ABCC10: variants seen among roughly 807,000 people sequenced by gnomAD.
The protein encoded by ABCC10 is ATP-binding cassette sub-family C member 10.
ABCC10 carries 110 observed loss-of-function variants against 143.2 expected under a neutral mutation model. The observed-to-expected ratio is 0.77, with a 90% CI of 0.66 to 0.90. The LOEUF is 0.90. Among genes scored for constraint, ABCC10 ranks in the 40% least tolerant of loss-of-function variants. The pLI, the probability that ABCC10 is intolerant of heterozygous loss-of-function variation, is 0.00. For missense variants in ABCC10, 1,700 were observed against 1,900.5 expected (o/e 0.89, Z 1.96); for synonymous variants, 805 against 846.7 (o/e 0.95, Z 0.85).
At position 43,447,255 on chromosome 6, in the gene ABCC10, G is replaced by A; in HGVS notation, c.3552G>A (p.Val1184=). The stretch of plus-strand genomic sequence containing the variant: ...GGTACTTCTCTCCCCCAGGGCTGGT[G>A]GGCTTGTCGCTGTCTTATGCCCTGT... The part of the protein sequence containing the change: ...HQQGLANPGL[V]GLSLSYALSL... The change falls in exon 17 of 22, where the codon GTG becomes GTA. Residue 1184 remains valine, a synonymous_variant. Transcript: ENST00000372530. 6.2e-7 allele frequency: 1 copy of A among 1,613,066 alleles called. No homozygotes were observed. Among genetic ancestry groups the A allele is most frequent in the Non-Finnish European group, 8.5e-7 (1 of 1,179,756 alleles).
chr6:43,447,792 C>T lies in ABCC10; in HGVS notation c.3814C>T (p.Pro1272Ser). The T allele has an allele frequency of 6.2e-7, 1 of 1,613,644 alleles. No individual in the cohort carries two copies. The highest frequency in any genetic ancestry group is 8.5e-7 in the Non-Finnish European group (1 of 1,180,008). The change falls in exon 18 of 22, where the codon CCT (proline) becomes TCT (serine). Residue 1272 changes from proline to serine, a missense_variant. Pro to Ser is a moderately conservative substitution (Grantham distance 74). Transcript: ENST00000372530. ...ALDGVTFCVQPGEKLGIVGRT... is the reference protein window; with the variant it reads ...ALDGVTFCVQSGEKLGIVGRT... ...GGATGGAGTGACCTTCTGCGTGCAG[C>T]CTGGAGAGAAGTTGGGCATCGTGGG...
intron 2 of ABCC10, 45 bp downstream of exon 2, chr6:43,428,184 G>A (rs1207897068): frequency 1.4e-6 from 2 of 1,472,292 alleles, no homozygotes; most frequent in Admixed American, 4.4e-5. Flanking sequence ...TGTGCCTGCA[G>A]ATCTCACCCG....
chr6:43,449,888 T>G, intron 21 of ABCC10, 41 bp from the exon 22 acceptor site: 1 of 1,610,378 alleles, frequency 6.2e-7, no homozygotes, highest in South Asian at 1.1e-5. Context: ...ACTTAGGGCA[T>G]TGTCCCTCAT....
At chr6:43,444,694 G>A in intron 12 of ABCC10, 94 bp from the exon 13 acceptor site, 1 of 1,492,042 alleles carries the variant, frequency 6.7e-7, no homozygotes, top group Non-Finnish European at 8.9e-7. Context: ...AGATGGGCAG[G>A]AACCAGAGGC....
Position 43,443,147 on chromosome 6 carries a change from C to A in ABCC10, c.2404C>A (p.Leu802Ile). 1 of 1,598,136 alleles carries A rather than the reference C, an allele frequency of 6.3e-7. No individual in the cohort carries two copies. ...GGTGCTGCTGATGGAGGCCGGGCGC[C>A]TCATCCGGGCTGGTAATGGGGGCAG... ...DAVLLMEAGR[L>I]IRAGPPSEIL... The change falls in exon 10 of 22, where the codon CTC becomes ATC. Residue 802 changes from leucine (L) to isoleucine (I), a missense_variant. Coordinates refer to ENST00000372530, the MANE Select transcript of ABCC10 (RefSeq NM_001198934.2). This position sits in a 1 kb window ranked among gnomAD's most constrained non-coding sequence, Gnocchi z 4.2.
At chr6:43,434,595 G>C (rs199712867) in intron 3 of ABCC10, 26 bp from the exon 4 acceptor site, 7 of 1,598,910 alleles carry the variant, frequency 4.4e-6, no homozygotes. Context: ...TCCACTTCAC[G>C]CCTCTCCCTT....
In ABCC10 at chr6:43,432,166, C is replaced by T. The variant is rs1781209434; in HGVS notation, c.186C>T (p.Cys62=). ...TPRSPDYILP[C]SPGWRLRLAA... ...GGAGTCCAGATTACATCCTACCCTG[C>T]AGTCCTGGATGGCGCCTCCGACTTG... The change falls in exon 3 of 22, where the codon TGC becomes TGT. Residue 62 remains cysteine, a synonymous_variant. Coordinates refer to ENST00000372530, the MANE Select transcript of ABCC10 (RefSeq NM_001198934.2). The T allele has an allele frequency of 1.2e-6, 2 of 1,614,090 alleles. No homozygotes were observed. Among genetic ancestry groups the T allele is most frequent in the Admixed American group, 1.7e-5 (1 of 60,000 alleles).
chr6:43,434,418 A>C, intron 3 of ABCC10: 1 of 535,172 alleles, frequency 1.9e-6, no homozygotes, highest in Non-Finnish European at 3.3e-6. Flanking sequence ...TGGGAGGGGA[A>C]GCAACCCAGG....
Position 43,434,818 on chromosome 6 carries a change from C to G in ABCC10, c.1578C>G (p.Val526=). ...CCATCGTTATCTTCATCACCTATGTCCTCATGGGGCACCAGCTCACTGCCA... is the reference window on the plus strand; with the variant it reads ...CCATCGTTATCTTCATCACCTATGTGCTCATGGGGCACCAGCTCACTGCCA... ...VISIVIFITY[V]LMGHQLTATK... is the part of the protein sequence containing the mutation. The change falls in exon 4 of 22, where the codon GTC becomes GTG. Residue 526 remains valine (V), a synonymous_variant. Coordinates refer to ENST00000372530, the MANE Select transcript of ABCC10 (RefSeq NM_001198934.2). 9 of 1,614,142 alleles carry G rather than the reference C, an allele frequency of 5.6e-6. No homozygotes were observed. The highest frequency in any genetic ancestry group is 6.8e-6 in the Non-Finnish European group (8 of 1,180,014).
Position 43,428,118 on chromosome 6 carries a change from C to T in ABCC10, c.140C>T (p.Ala47Val). The change falls in exon 2 of 22, where the codon GCC (alanine) becomes GTC (valine). Residue 47 changes from alanine (A) to valine (V), a missense_variant. Transcript: ENST00000372530. ...LPHALLAVLS[A>V]CYLGTPRSPD... ...CACGCGCTCCTCGCCGTGCTCAGTG[C>T]CTGTTACTTGGGCACCCCGAGGTGG... The T allele has an allele frequency of 6.5e-7, 1 of 1,543,194 alleles. No homozygotes were observed. The highest frequency in any genetic ancestry group is 8.7e-7 in the Non-Finnish European group (1 of 1,145,928).
chr6:43,447,453 A>C, intron 17 of ABCC10, 45 bp downstream of exon 17: 2 of 1,599,228 alleles, frequency 1.3e-6, no homozygotes, highest in Non-Finnish European at 1.7e-6. Flanking sequence ...GGAACCCTGA[A>C]GGCCCCAGTC....
At chr6:43,445,503 C>A in intron 14 of ABCC10, 96 bp from the exon 15 acceptor site, 1 of 1,418,218 alleles carries the variant, frequency 7.1e-7, no homozygotes, top group Non-Finnish European at 9.8e-7. Flanking sequence ...TATTCTCTAT[C>A]TTGGGCCTTC....
downstream of ABCC10, chr6:43,450,455 C>A: frequency 1.4e-6 from 2 of 1,458,342 alleles, no homozygotes; most frequent in South Asian, 1.4e-5. This position sits in a 1 kb window ranked among gnomAD's most constrained non-coding sequence, Gnocchi z 4.5. Context: ...TGTGTGTACC[C>A]AAGCTGAAGG....
rs1371798690 is a variant in ABCC10 at position 43,447,371 on chromosome 6, G to C, written c.3668G>C (p.Cys1223Ser). 2 of 1,613,106 alleles carry C rather than the reference G, an allele frequency of 1.2e-6. No individual in the cohort carries two copies. The highest frequency in any genetic ancestry group is 1.6e-4 in the Middle Eastern group (1 of 6,062). Residue 1223 changes from cysteine to serine, a missense_variant, in exon 17 of 22, where the codon TGT becomes TCT. Physicochemically the swap from Cys to Ser is moderately radical, Grantham distance 112 (BLOSUM62 -1). Transcript: ENST00000372530. Reference sequence around the variant, plus strand: ...GTCGAGCGGCTGGAAGAGTACACCTGTGACCTGCCCCAGGAACCCCAGGGC... The same window carrying C: ...GTCGAGCGGCTGGAAGAGTACACCTCTGACCTGCCCCAGGAACCCCAGGGC... ...VSVERLEEYT[C>S]DLPQEPQGQP...
At chr6:43,451,852 C>A, downstream of ABCC10, 1 of 1,535,906 alleles carries the variant, frequency 6.5e-7, no homozygotes, top group South Asian at 1.3e-5. This position sits in a 1 kb window ranked among gnomAD's most constrained non-coding sequence, Gnocchi z 4.4. Flanking sequence ...TCTCAGTCCC[C>A]CACCCTCCCA....
intron 12 of ABCC10, 65 bp downstream of exon 12, chr6:43,444,418 G>T: frequency 6.7e-7 from 1 of 1,497,116 alleles, no homozygotes; most frequent in Non-Finnish European, 8.9e-7. Context: ...CCATTACCTT[G>T]CACTAATCAT....
At chr6:43,441,668 C>T (rs1782486015) in intron 8 of ABCC10, among the ~76,000 whole-genome samples, 194 bp from the exon 9 acceptor site, 2 of 152,176 alleles carry the variant, frequency 1.3e-5, no homozygotes, top group African/African-American at 4.8e-5. Context: ...AAGTGCTAGG[C>T]ACATAGTGTT....
Position 43,432,689 on chromosome 6 carries a change from G to T in ABCC10, c.709G>T (p.Ala237Ser). Reference protein sequence around the residue: ...AWLAPLLARGACGELRQPQDI... With the variant: ...AWLAPLLARGSCGELRQPQDI... ...GCTGGCACCCTTGCTGGCCCGTGGG[G>T]CCTGTGGAGAGCTCCGGCAGCCTCA... Residue 237 changes from alanine to serine, a missense_variant, in exon 3 of 22, where the codon GCC (alanine) becomes TCC (serine). Coordinates refer to ENST00000372530, the MANE Select transcript of ABCC10 (RefSeq NM_001198934.2). 6.2e-7 allele frequency: 1 copy of T among 1,614,048 alleles called. No individual in the cohort carries two copies. The highest frequency in any genetic ancestry group is 8.5e-7 in the Non-Finnish European group (1 of 1,180,020).
Position 43,443,066 on chromosome 6 carries a change from T to C in ABCC10, c.2323T>C (p.Tyr775His), listed in dbSNP as rs2127403309. 3 of 1,613,018 alleles carry C rather than the reference T, an allele frequency of 1.9e-6. No homozygotes were observed. The highest frequency in any genetic ancestry group is 2.5e-6 in the Non-Finnish European group (3 of 1,179,990). Reference protein sequence around the residue: ...LHRCILGMLSYTTRLLCTHRT... With the variant: ...LHRCILGMLSHTTRLLCTHRT... ...CAGGTGCATCCTGGGCATGCTGAGC[T>C]ACACCACACGGCTGCTCTGCACCCA... is the stretch of plus-strand genomic sequence containing the variant. The change falls in exon 10 of 22, where the codon TAC (tyrosine) becomes CAC (histidine). Residue 775 changes from tyrosine to histidine, a missense_variant. By Grantham distance (83) the Tyr-to-His change is moderately conservative. Transcript: ENST00000372530. This position sits in a 1 kb window ranked among gnomAD's most constrained non-coding sequence, Gnocchi z 4.2.
Sources: gnomAD v4.1 joint callset for allele counts (sites outside exome capture counted in the v4.1 genomes callset) on GRCh38, gnomAD v4.1.1 for gene constraint, Gnocchi (gnomAD v3.1) non-coding constraint, MANE v1.5 for transcripts, NCBI Gene and HGNC (gene_info 2026-07-23, HGNC 2026-07-21) for gene names.